The following HS6ST3 variants were observed in gnomAD, a reference collection of about 807,000 sequenced individuals.
HS6ST3 encodes the protein heparan-sulfate 6-O-sulfotransferase 3.
Under a neutral mutation model 36.7 loss-of-function variants are expected in HS6ST3, and 12 were observed. The observed-to-expected ratio is 0.33, with a 90% CI of 0.21 to 0.53. The LOEUF (loss-of-function observed/expected upper bound fraction) is 0.53. HS6ST3 is among the 20% of genes least tolerant of loss of function. The pLI, the probability that HS6ST3 is intolerant of heterozygous loss-of-function variation, is 0.95. For missense variants in HS6ST3, 584 were observed against 640.9 expected (o/e 0.91, Z 0.96); for synonymous variants, 240 against 257.5 (o/e 0.93, Z 0.65).
At chr13:96,230,962 G>A (rs1394130196) in intron 1 of HS6ST3, among the ~76,000 whole-genome samples, 3 of 151,970 alleles carry the variant, frequency 2.0e-5, no homozygotes, top group African/African-American at 7.3e-5. Context: ...TAGTGGTTGA[G>A]GATTAAGAAG....
chr13:96,510,131 A>G (rs2056043512), intron 1 of HS6ST3, among the ~76,000 whole-genome samples: 1 of 67,254 alleles, frequency 1.5e-5, no homozygotes, highest in South Asian at 5.4e-4. Flanking sequence ...ATTTTATTTT[A>G]TTTTATTTTA....
chr13:96,681,344 A>C (rs926908184), intron 1 of HS6ST3, among the ~76,000 whole-genome samples: 5 of 152,152 alleles, frequency 3.3e-5, no homozygotes, highest in Non-Finnish European at 7.4e-5. Context: ...AATGCTTGTC[A>C]ATACCTTCTC....
intron 1 of HS6ST3, among the ~76,000 whole-genome samples, chr13:96,117,872 C>CTT (rs758866628): frequency 1.4e-5 from 2 of 142,648 alleles, no homozygotes; most frequent in Non-Finnish European, 1.5e-5. Flanking sequence ...TAGAATGTGA[C>CTT]TTTTTTTTTT....
intron 1 of HS6ST3, among the ~76,000 whole-genome samples, chr13:96,165,907 ATAAAGT>A (rs2054157900): frequency 6.6e-6 from 1 of 152,132 alleles, no homozygotes; most frequent in African/African-American, 2.4e-5. Flanking sequence ...ATTGCATGAG[ATAAAGT>A]TAAACAAGCA....
At chr13:96,446,093 A>C (rs2139482934) in intron 1 of HS6ST3, among the ~76,000 whole-genome samples, 1 of 149,314 alleles carries the variant, frequency 6.7e-6, no homozygotes, top group African/African-American at 2.5e-5. Context: ...GAATGGCGTG[A>C]ACCCAGGAGG....
rs537755322 is a variant in HS6ST3, at chr13:96,242,126, G to C, written c.707+150557G>C. On this transcript the variant is annotated intron_variant, in intron 1 of 1. Transcript: ENST00000376705. ...AATGTTAAAGAAGTGGGGGCCGGGC[G>C]CATAACTAAAACTTTATGCCTGTTG... 1.1e-4 allele frequency among the ~76,000 whole-genome samples: 17 copies of C among 151,942 alleles called. No individual in the cohort carries two copies. The South Asian group carries it at 3.3e-3, about 30-fold the overall frequency.
chr13:96,248,516 A>G (rs1474321544), intron 1 of HS6ST3, among the ~76,000 whole-genome samples: 2 of 152,202 alleles, frequency 1.3e-5, no homozygotes, highest in Non-Finnish European at 1.5e-5. Context: ...ATTTGATACT[A>G]TAAGGAAGGT....
chr13:96,470,849 C>A (rs940543258), intron 1 of HS6ST3, among the ~76,000 whole-genome samples: 1 of 152,138 alleles, frequency 6.6e-6, no homozygotes, highest in Admixed American at 6.6e-5. Flanking sequence ...GTTTATCTGG[C>A]CACCTCCAAT....
chr13:96,753,035 C>T (rs1264145980), intron 1 of HS6ST3, among the ~76,000 whole-genome samples: 1 of 152,086 alleles, frequency 6.6e-6, no homozygotes, highest in East Asian at 1.9e-4. Context: ...ATCTCTTTTC[C>T]CAGAGATTTG....
intron 1 of HS6ST3, among the ~76,000 whole-genome samples, chr13:96,140,690 A>G (rs981140283): frequency 6.6e-6 from 1 of 152,248 alleles, no homozygotes; most frequent in Non-Finnish European, 1.5e-5. Context: ...CCATTGCTGC[A>G]GTTACACTAG....
At position 96,739,372 on chromosome 13, in the gene HS6ST3, C is replaced by T. The variant is rs117170263; in HGVS notation, c.708-93118C>T. Among the ~76,000 whole-genome samples the T allele has an allele frequency of 4.1e-4, 63 of 151,982 alleles. No homozygotes were observed. The East Asian group carries it at 0.011, about 26-fold the overall frequency. On this transcript the variant is annotated intron_variant, in intron 1 of 1. Coordinates refer to ENST00000376705, the MANE Select transcript of HS6ST3 (RefSeq NM_153456.4). ...TTTATCTTCAGCTTAAATCCATTCC[C>T]TAACTTTATACTGGTGTATCCAACT...
intron 1 of HS6ST3, among the ~76,000 whole-genome samples, chr13:96,238,214 C>T (rs2054543665): frequency 6.6e-6 from 1 of 152,124 alleles, no homozygotes; most frequent in East Asian, 1.9e-4. Flanking sequence ...CAATTTGTCA[C>T]CAAAATCTAT....
At chr13:96,251,450 T>C (rs562050257) in intron 1 of HS6ST3, among the ~76,000 whole-genome samples, 128 of 152,278 alleles carry the variant, frequency 8.4e-4, no homozygotes, top group African/African-American at 2.3e-3. Context: ...CTTTCATTTA[T>C]AATTTTATTT....
chr13:96,420,650 T>G (rs2139467899), intron 1 of HS6ST3, among the ~76,000 whole-genome samples: 1 of 152,354 alleles, frequency 6.6e-6, no homozygotes, highest in Admixed American at 6.5e-5. Flanking sequence ...TGACCATGTT[T>G]GTCCTTTTTA....
Position 96,800,011 on chromosome 13 carries a change from T to C in HS6ST3, c.708-32479T>C, listed in dbSNP as rs58790082. Reference sequence around the variant, plus strand: ...ATATATATATATGTATATATATATATATGTATATATATATATGGAAGAGAG... The same window carrying C: ...ATATATATATATGTATATATATATACATGTATATATATATATGGAAGAGAG... On this transcript the variant is annotated intron_variant, in intron 1 of 1. Transcript: ENST00000376705. Among the ~76,000 whole-genome samples the C allele has an allele frequency of 6.6e-3, 866 of 130,276 alleles. 48 individuals are homozygous for C. Among genetic ancestry groups the C allele is most frequent in the Admixed American group, 0.039 (484 of 12,554 alleles). The allele number at this position is 130,276 out of a possible 152,430, so 85.5% of individuals were successfully genotyped here. A position where few individuals can be genotyped will look rare whatever the true frequency, so the allele number is the denominator to read the frequency against.
chr13:96,345,657 A>G (rs950805343), intron 1 of HS6ST3, among the ~76,000 whole-genome samples: 1 of 152,250 alleles, frequency 6.6e-6, no homozygotes, highest in Non-Finnish European at 1.5e-5. Flanking sequence ...AGTTTTGTGG[A>G]AGACAACTTT....
intron 1 of HS6ST3, among the ~76,000 whole-genome samples, chr13:96,340,802 T>C (rs2055126561): frequency 6.6e-6 from 1 of 152,260 alleles, no homozygotes; most frequent in South Asian, 2.1e-4. Context: ...TTTGAATGAA[T>C]ATCTATTTAT....
At chr13:96,442,028 T>C (rs148310143) in intron 1 of HS6ST3, among the ~76,000 whole-genome samples, 1 of 151,270 alleles carries the variant, frequency 6.6e-6, no homozygotes, top group Non-Finnish European at 1.5e-5. Flanking sequence ...TAATATAGTT[T>C]TTTTTTTTTT....
intron 1 of HS6ST3, among the ~76,000 whole-genome samples, chr13:96,092,697 G>A (rs74372804): frequency 0.062 from 9,462 of 152,256 alleles, 652 homozygotes; most frequent in African/African-American, 0.17. Context: ...TTATAGAAAA[G>A]CTTCATTTAC....
Sources: gnomAD v4.1 joint callset for allele counts (sites outside exome capture counted in the v4.1 genomes callset) on GRCh38, gnomAD v4.1.1 for gene constraint, MANE v1.5 for transcripts, NCBI Gene and HGNC (gene_info 2026-07-23, HGNC 2026-07-21) for gene names.